DNAH14: variants seen among roughly 807,000 people sequenced by gnomAD.
DNAH14 encodes the protein axonemal beta dynein heavy chain 14.
A neutral mutation model predicts 520.9 loss-of-function variants in DNAH14; 478 were observed. The observed-to-expected ratio is 0.92, with a 90% CI of 0.85 to 0.99. The LOEUF (loss-of-function observed/expected upper bound fraction) is 0.99, where lower values mean the gene tolerates loss of function less well. DNAH14 is among the 50% of genes least tolerant of loss of function. The probability of loss-of-function intolerance (pLI) is 0.00; values close to 1 mark genes in which losing one functional copy is unlikely to be tolerated. For missense variants in DNAH14, 4,831 were observed against 5,234.5 expected (o/e 0.92, Z 2.38); for synonymous variants, 1,581 against 1,757.2 (o/e 0.90, Z 2.51).
Position 224,946,571 on chromosome 1 carries a change from G to A in DNAH14, c.-33-6099G>A, listed in dbSNP as rs7528282. Among the ~76,000 whole-genome samples, 764 of 152,232 alleles carry A rather than the reference G, an allele frequency of 5.0e-3. 6 individuals are homozygous for A. Among genetic ancestry groups the A allele is most frequent in the African/African-American group, 0.017 (721 of 41,530 alleles). On this transcript the variant is annotated intron_variant, in intron 1 of 85. Coordinates refer to ENST00000682510, the MANE Select transcript of DNAH14 (RefSeq NM_001367479.1). ...ACCTGTCTTCTGCATTGCTCATGCT[G>A]GGAGCTGTAGACTGGAGATGTTCCT...
At chr1:225,288,288 A>T (rs1183247406) in intron 54 of DNAH14, among the ~76,000 whole-genome samples, 1 of 152,122 alleles carries the variant, frequency 6.6e-6, no homozygotes, top group East Asian at 1.9e-4. Context: ...ATTCCATAAA[A>T]TACCTGATCA....
At chr1:225,295,667 C>T (rs1012733899) in intron 55 of DNAH14, among the ~76,000 whole-genome samples, 2 of 152,056 alleles carry the variant, frequency 1.3e-5, no homozygotes, top group African/African-American at 4.8e-5. Context: ...TGTGTTCTAA[C>T]ATGTAGTCAG....
At chr1:225,267,992 C>G (rs2093180718) in intron 49 of DNAH14, among the ~76,000 whole-genome samples, 1 of 152,052 alleles carries the variant, frequency 6.6e-6, no homozygotes, top group Non-Finnish European at 1.5e-5. Flanking sequence ...AAATAGGTCA[C>G]AGTAGGTCTT....
At chr1:224,998,866 G>C (rs1176653418) in intron 8 of DNAH14, among the ~76,000 whole-genome samples, 1 of 152,234 alleles carries the variant, frequency 6.6e-6, no homozygotes, top group South Asian at 2.1e-4. Context: ...GAAGTCTCCA[G>C]CTGTAATTGT....
intron 31 of DNAH14, 101 bp downstream of exon 31, chr1:225,147,350 C>T: frequency 3.2e-6 from 4 of 1,231,158 alleles, no homozygotes; most frequent in Admixed American, 3.6e-5. Flanking sequence ...GTGTTTAGGT[C>T]TTTGGGGTGT....
At chr1:225,358,006 C>A in intron 73 of DNAH14, 1 of 551,056 alleles carries the variant, frequency 1.8e-6, no homozygotes. Context: ...ATCTAGCATT[C>A]TTTTCAGATT....
intron 27 of DNAH14, among the ~76,000 whole-genome samples, chr1:225,133,954 T>C (rs1299832626): frequency 2.6e-5 from 4 of 152,234 alleles, no homozygotes; most frequent in Non-Finnish European, 5.9e-5. Context: ...CCTTGTTAGC[T>C]GTAATTCCTA....
chr1:225,235,247 T>A (rs1412453658), intron 42 of DNAH14, among the ~76,000 whole-genome samples: 2 of 152,220 alleles, frequency 1.3e-5, no homozygotes, highest in Non-Finnish European at 2.9e-5. Context: ...GTTTTAAACA[T>A]GAAAGGATGT....
chr1:225,062,911 C>T (rs764109445), intron 17 of DNAH14, among the ~76,000 whole-genome samples: 1 of 151,932 alleles, frequency 6.6e-6, no homozygotes, highest in Non-Finnish European at 1.5e-5. Flanking sequence ...AAATCAGATA[C>T]GTAACATGTA....
chr1:225,308,295 C>T lies in DNAH14; in HGVS notation c.9125C>T (p.Thr3042Ile), dbSNP rs1444166287. ...TATGTGCTTCATTAGGAAACAGAAA[C>T]TCTAATGGAAAAACTACGGAAAGAT... ...QVEQKTKETE[T>I]LMEKLRKDSQ... Residue 3042 changes from threonine (T) to isoleucine (I), a missense_variant, in exon 60 of 86, where the codon ACT becomes ATT. Thr to Ile is a moderately conservative substitution (Grantham distance 89). Transcript: ENST00000682510. 2 of 1,537,912 alleles carry T rather than the reference C, an allele frequency of 1.3e-6. No homozygotes were observed. The highest frequency in any genetic ancestry group is 4.2e-5 in the Admixed American group (2 of 47,444).
chr1:225,200,519 C>G (rs193033810), intron 38 of DNAH14, among the ~76,000 whole-genome samples: 1 of 152,022 alleles, frequency 6.6e-6, no homozygotes, highest in East Asian at 1.9e-4. Context: ...TTTAGCAGTT[C>G]TTGTAGTGCT....
rs2275600 is a variant in DNAH14 at position 225,392,436 on chromosome 1, C to T, written c.13476C>T (p.Val4492=). ...SVFMPKKLNI[V]RRAFKGSASS... ...TTATGCCAAAGAAACTCAACATAGT[C>T]AGGAGAGCGTTTAAGGTACTGGAAT... Residue 4492 remains valine, a synonymous_variant, in exon 84 of 86, where the codon GTC becomes GTT. Transcript: ENST00000682510. 1.3e-3 allele frequency: 2,022 copies of T among 1,551,730 alleles called. 31 individuals are homozygous for T. In the East Asian group the frequency reaches 0.037, roughly 28 times the overall value.
chr1:225,390,942 TGG>T (rs2095902351), intron 83 of DNAH14, among the ~76,000 whole-genome samples: 1 of 150,216 alleles, frequency 6.7e-6, no homozygotes, highest in Non-Finnish European at 1.5e-5. Context: ...ATTCTGGGGG[TGG>T]GGGGAAACTA....
chr1:225,055,829 T>G lies in DNAH14; in HGVS notation c.2424+4034T>G, dbSNP rs1425868521. ...CGATAGTTTGCTGAGAATGATGGTT[T>G]CCAGCTTCATCCATGTCCCCACAAA... On this transcript the variant is annotated intron_variant, in intron 17 of 85. Coordinates refer to ENST00000682510, the MANE Select transcript of DNAH14 (RefSeq NM_001367479.1). Among the ~76,000 whole-genome samples the G allele has an allele frequency of 1.1e-4, 16 of 152,222 alleles. No homozygotes were observed. The East Asian group carries it at 2.9e-3, about 28-fold the overall frequency.
intron 21 of DNAH14, among the ~76,000 whole-genome samples, chr1:225,093,840 C>T (rs1453520710): frequency 2.6e-5 from 4 of 152,094 alleles, no homozygotes; most frequent in African/African-American, 9.7e-5. Flanking sequence ...ACACCAACAA[C>T]ATCCAACCTG....
intron 41 of DNAH14, among the ~76,000 whole-genome samples, chr1:225,212,558 C>T (rs2088603503): frequency 6.6e-6 from 1 of 152,184 alleles, no homozygotes; most frequent in Non-Finnish European, 1.5e-5. Flanking sequence ...CACATCCTCT[C>T]CAGCACCTGT....
At chr1:225,345,167 G>A (rs1456929662) in intron 69 of DNAH14, among the ~76,000 whole-genome samples, 1 of 152,150 alleles carries the variant, frequency 6.6e-6, no homozygotes, top group African/African-American at 2.4e-5. Flanking sequence ...GTAAGAATAT[G>A]GTACACAGAC....
intron 37 of DNAH14, among the ~76,000 whole-genome samples, chr1:225,186,012 T>G (rs929751467): frequency 6.7e-6 from 1 of 150,180 alleles, no homozygotes; most frequent in African/African-American, 2.4e-5. Context: ...TTTTAAATCT[T>G]TTAACTGATT....
intron 17 of DNAH14, among the ~76,000 whole-genome samples, chr1:225,064,359 G>A (rs1020820595): frequency 5.3e-5 from 8 of 151,942 alleles, no homozygotes; most frequent in Non-Finnish European, 1.0e-4. Context: ...TGGAAAACTG[G>A]CAATTACTTT....
Sources: allele counts gnomAD v4.1 joint callset (sites outside exome capture counted in the v4.1 genomes callset), GRCh38; gene constraint gnomAD v4.1.1; transcripts MANE v1.5; gene names NCBI Gene and HGNC (gene_info 2026-07-23, HGNC 2026-07-21).